The following KAZN variants were observed in gnomAD, a reference collection of about 807,000 sequenced individuals.
The protein encoded by KAZN is kazrin.
KAZN carries 40 observed loss-of-function variants against 87.4 expected under a neutral mutation model. The observed-to-expected ratio is 0.46, with a 90% confidence interval of 0.36 to 0.60. KAZN has a LOEUF of 0.60. Among genes scored for constraint, KAZN ranks in the 20% least tolerant of loss-of-function variants. KAZN has a pLI of 0.00. For synonymous variants in KAZN, 466 were observed against 458.3 expected (o/e 1.02, Z -0.22); for missense variants, 898 against 1,073.9 (o/e 0.84, Z 2.29).
chr1:14,279,386 T>C (rs1652665105), intron 2 of KAZN, among the ~76,000 whole-genome samples: 1 of 152,222 alleles, frequency 6.6e-6, no homozygotes, highest in Non-Finnish European at 1.5e-5. Context: ...GTGCACATCC[T>C]AGGTAATTGC....
At chr1:14,116,622 G>C (rs1644624985) in intron 1 of KAZN, among the ~76,000 whole-genome samples, 3 of 152,218 alleles carry the variant, frequency 2.0e-5, no homozygotes, top group Non-Finnish European at 4.4e-5. Context: ...TGTGGGGTCA[G>C]AGCCCCCCAC....
At chr1:14,748,492 G>T (rs1197248070) in intron 1 of KAZN, among the ~76,000 whole-genome samples, 3 of 152,090 alleles carry the variant, frequency 2.0e-5, no homozygotes, top group Non-Finnish European at 4.4e-5. Context: ...TTATCTCTTT[G>T]TGCCTCCGTC....
intron 2 of KAZN, among the ~76,000 whole-genome samples, chr1:14,413,931 A>G (rs966805521): frequency 2.0e-5 from 3 of 152,244 alleles, no homozygotes; most frequent in East Asian, 1.9e-4. Context: ...GCTTCTAAGC[A>G]TATAAAAAAT....
intron 2 of KAZN, among the ~76,000 whole-genome samples, chr1:14,423,669 G>GT (rs1449326192): frequency 6.6e-6 from 1 of 152,194 alleles, no homozygotes. Context: ...ACCATACCTA[G>GT]TGGATTGATC....
chr1:14,687,572 A>G (rs1172453917), intron 1 of KAZN, among the ~76,000 whole-genome samples: 3 of 152,234 alleles, frequency 2.0e-5, no homozygotes, highest in Admixed American at 2.0e-4. Context: ...GTGCATTAGA[A>G]GAACTTTCCA....
intron 2 of KAZN, among the ~76,000 whole-genome samples, chr1:14,270,227 G>T (rs114021453): frequency 1.3e-5 from 2 of 152,230 alleles, no homozygotes; most frequent in East Asian, 3.9e-4. Context: ...GGTCAGAGGT[G>T]TGGAATCTCC....
intron 1 of KAZN, among the ~76,000 whole-genome samples, chr1:13,937,990 G>A (rs879636890): frequency 2.6e-5 from 4 of 152,136 alleles, no homozygotes; most frequent in African/African-American, 7.2e-5. Flanking sequence ...TTTTTGCTTA[G>A]GAGTATTTTG....
intron 2 of KAZN, among the ~76,000 whole-genome samples, chr1:14,476,767 T>C (rs1443524764): frequency 6.6e-6 from 1 of 152,316 alleles, no homozygotes; most frequent in East Asian, 1.9e-4. Flanking sequence ...CAACTCACAG[T>C]AGGATTCCAA....
At chr1:14,781,625 T>C (rs2100647162) in intron 1 of KAZN, among the ~76,000 whole-genome samples, 1 of 152,306 alleles carries the variant, frequency 6.6e-6, no homozygotes, top group South Asian at 2.1e-4. Flanking sequence ...AAGGTTGCAA[T>C]GTTACTGACT....
chr1:13,990,083 A>C (rs528368479), intron 1 of KAZN, among the ~76,000 whole-genome samples: 3 of 152,232 alleles, frequency 2.0e-5, no homozygotes, highest in Non-Finnish European at 4.4e-5. Context: ...CTTGACAATC[A>C]AAAACAAACT....
rs537157507 is a variant in KAZN at position 14,164,959 on chromosome 1, G to A, written c.92-15476G>A. Among the ~76,000 whole-genome samples, 45 of 152,264 alleles carry A rather than the reference G, an allele frequency of 3.0e-4. No individual in the cohort carries two copies. In the South Asian group the frequency reaches 6.0e-3, roughly 20 times the overall value. On this transcript the variant is annotated intron_variant, in intron 1 of 16. Transcript: ENST00000636203. ...ATAAAATACTGACATGGAAAGTTGC[G>A]GATCCTCTTTTCCAGGGTGTCGGTC...
chr1:14,048,259 C>T (rs760142588), intron 1 of KAZN, among the ~76,000 whole-genome samples: 5 of 152,164 alleles, frequency 3.3e-5, no homozygotes, highest in Non-Finnish European at 5.9e-5. Flanking sequence ...AAATGTATCT[C>T]AATATTTCTT....
rs181688475 is a variant in KAZN, at chr1:14,894,732, G to A, written c.227-65952G>A. 7.6e-4 allele frequency among the ~76,000 whole-genome samples: 116 copies of A among 152,378 alleles called. 1 individual carries two copies. The highest frequency in any genetic ancestry group is 2.8e-3 in the African/African-American group (115 of 41,586). Reference sequence around the variant, plus strand: ...TGGAATTGGGTACACAGTAGGTGCTGAGTAAGTGAATGGATGAATGAATGA... The same window carrying A: ...TGGAATTGGGTACACAGTAGGTGCTAAGTAAGTGAATGGATGAATGAATGA... On this transcript the variant is annotated intron_variant, in intron 1 of 14. Transcript: ENST00000376030.
intron 2 of KAZN, among the ~76,000 whole-genome samples, chr1:15,005,712 T>C (rs1469252111): frequency 3.3e-5 from 5 of 151,410 alleles, no homozygotes; most frequent in Non-Finnish European, 5.9e-5. Context: ...CGCTTGAACC[T>C]GGGAAGCAGA....
intron 1 of KAZN, among the ~76,000 whole-genome samples, chr1:13,943,089 T>C (rs1640999695): frequency 6.6e-6 from 1 of 152,192 alleles, no homozygotes; most frequent in Admixed American, 6.5e-5. Context: ...AACTGATTAA[T>C]ATCATCAAGC....
intron 2 of KAZN, among the ~76,000 whole-genome samples, chr1:14,325,566 T>A (rs1001032243): frequency 2.0e-5 from 3 of 152,044 alleles, no homozygotes; most frequent in African/African-American, 7.2e-5. Context: ...GGCAAAAGAA[T>A]ATTCAAAAAA....
intron 2 of KAZN, among the ~76,000 whole-genome samples, chr1:14,467,674 C>CAAAAAA (rs36034022): frequency 6.5e-5 from 5 of 77,342 alleles, no homozygotes; most frequent in African/African-American, 2.0e-4. Flanking sequence ...ATCCAAAAGG[C>CAAAAAA]AAAAAAAAAA....
chr1:14,306,031 CCT>C (rs1654899684), intron 2 of KAZN, among the ~76,000 whole-genome samples: 1 of 152,110 alleles, frequency 6.6e-6, no homozygotes. Context: ...CACTGAGCCT[CCT>C]CCCCAGTCCA....
intron 2 of KAZN, among the ~76,000 whole-genome samples, chr1:14,511,122 G>A (rs1212392106): frequency 1.3e-5 from 2 of 151,982 alleles, no homozygotes; most frequent in Admixed American, 1.3e-4. Context: ...TGGGAGGGTG[G>A]TCCCAGTTTC....
Sources: gnomAD v4.1 joint callset for allele counts (sites outside exome capture counted in the v4.1 genomes callset) on GRCh38, gnomAD v4.1.1 for gene constraint, MANE v1.5 for transcripts, NCBI Gene and HGNC (gene_info 2026-07-23, HGNC 2026-07-21) for gene names.